The following SPEN variants were observed in gnomAD, a reference collection of about 807,000 sequenced individuals.
SPEN encodes spen family transcriptional repressor, also known as msx2-interacting protein.
In SPEN, 18 loss-of-function variants were observed where a neutral mutation model predicts 269.9. The observed-to-expected ratio is 0.07, with a 90% CI of 0.05 to 0.10. The LOEUF is 0.10. Among genes scored for constraint, SPEN ranks in the 10% least tolerant of loss-of-function variants. The pLI, the probability that SPEN is intolerant of heterozygous loss-of-function variation, is 1.00. For synonymous variants in SPEN, 1,726 were observed against 1,765.7 expected, an observed-to-expected ratio of 0.98 and a Z score of 0.56; for missense variants, 3,822 against 4,631.2, an observed-to-expected ratio of 0.83 and a Z score of 5.07.
At chr1:15,857,998 C>T (rs1163258153) in intron 1 of SPEN, among the ~76,000 whole-genome samples, 2 of 152,050 alleles carry the variant, frequency 1.3e-5, no homozygotes, top group Non-Finnish European at 2.9e-5. Context: ...TGTGGTGGCA[C>T]ATGCCTGTAA....
rs2071227036 is a variant in SPEN, at chr1:15,932,083, C to T, written c.5843C>T (p.Pro1948Leu). The change falls in exon 11 of 15, where the codon CCT becomes CTT. Residue 1948 changes from proline (P) to leucine (L), a missense_variant. Transcript: ENST00000375759. The surrounding 1 kb of genome is among the most constrained non-coding windows in gnomAD (Gnocchi z 4.2). ...LQEAAAVPTT[P>L]RRGRPPKTRR... The stretch of plus-strand genomic sequence containing the variant: ...GAGGCTGCAGCGGTTCCCACCACCC[C>T]TCGGAGGGGAAGGCCTCCAAAGACA... 6.2e-7 allele frequency: 1 copy of T among 1,614,072 alleles called. No individual in the cohort carries two copies. Among genetic ancestry groups the T allele is most frequent in the Non-Finnish European group, 8.5e-7 (1 of 1,180,046 alleles).
chr1:15,922,942 A>G (rs1279023573), intron 10 of SPEN, among the ~76,000 whole-genome samples: 1 of 152,162 alleles, frequency 6.6e-6, no homozygotes, highest in Non-Finnish European at 1.5e-5. Context: ...TCATAAATAC[A>G]AATCATCTTG....
chr1:15,847,781 C>T lies in SPEN; in HGVS notation c.-287C>T, dbSNP rs2070285896. 1 of 207,448 alleles carries T rather than the reference C, an allele frequency of 4.8e-6. No individual in the cohort carries two copies. The highest frequency in any genetic ancestry group is 9.7e-6 in the Non-Finnish European group (1 of 102,656). The allele number at this position is 207,448 out of a possible 1,614,324, so 12.9% of individuals were successfully genotyped here. A position where few individuals can be genotyped will look rare whatever the true frequency, so the allele number is the denominator to read the frequency against. On this transcript the variant is annotated 5_prime_UTR_variant, in exon 1 of 15. Transcript: ENST00000375759. ...CGCCCGTGTCCCGCTCGCCCCTCCTCCCGCTCCCCCGCCCGCCCCTGCCCG... is the reference window on the plus strand; with the variant it reads ...CGCCCGTGTCCCGCTCGCCCCTCCTTCCGCTCCCCCGCCCGCCCCTGCCCG...
At position 15,928,362 on chromosome 1, in the gene SPEN, A is replaced by G. The variant is rs2071187931; in HGVS notation, c.2122A>G (p.Arg708Gly). 2 of 1,614,072 alleles carry G rather than the reference A, an allele frequency of 1.2e-6. No homozygotes were observed. Among genetic ancestry groups the G allele is most frequent in the Non-Finnish European group, 1.7e-6 (2 of 1,180,050 alleles). The change falls in exon 11 of 15, where the codon AGA becomes GGA. Residue 708 changes from arginine to glycine, a missense_variant. Coordinates refer to ENST00000375759, the MANE Select transcript of SPEN (RefSeq NM_015001.3). The surrounding 1 kb of genome is among the most constrained non-coding windows in gnomAD (Gnocchi z 5.7). ...AAGGGAACGAGAAAGAGAACGTGAA[A>G]GATTTGAGTCTGACCGGGACAGAGA... ...RQRERERERE[R>G]FESDRDRDHE...
At chr1:15,853,889 A>G (rs1434673131) in intron 1 of SPEN, among the ~76,000 whole-genome samples, 1 of 150,476 alleles carries the variant, frequency 6.6e-6, no homozygotes, top group Non-Finnish European at 1.5e-5. Flanking sequence ...GGCTGGTCTC[A>G]CTCCTGATCT....
intron 1 of SPEN, among the ~76,000 whole-genome samples, chr1:15,867,062 T>G (rs1481980016): frequency 6.6e-6 from 1 of 152,206 alleles, no homozygotes; most frequent in African/African-American, 2.4e-5. Context: ...TTCACAGAGT[T>G]GCGCAACCAT....
chr1:15,910,181 G>A (rs1442093544), intron 4 of SPEN, among the ~76,000 whole-genome samples: 1 of 146,946 alleles, frequency 6.8e-6, no homozygotes, highest in East Asian at 2.0e-4. Flanking sequence ...AAAAACTTAT[G>A]TATCAGGTTT....
At position 15,882,732 on chromosome 1, in the gene SPEN, C is replaced by T. The variant is rs115213752; in HGVS notation, c.881+6054C>T. The stretch of plus-strand genomic sequence containing the variant: ...CTAACTAGATGGTGTGGACAGCTGA[C>T]GCAAACTGGGCATATACAATGGGAC... On this transcript the variant is annotated intron_variant, in intron 3 of 14. Coordinates refer to ENST00000375759, the MANE Select transcript of SPEN (RefSeq NM_015001.3). 3.5e-3 allele frequency among the ~76,000 whole-genome samples: 540 copies of T among 152,314 alleles called. 4 individuals are homozygous for T. Among genetic ancestry groups the T allele is most frequent in the Non-Finnish European group, 5.8e-3 (397 of 68,026 alleles).
intron 1 of SPEN, among the ~76,000 whole-genome samples, chr1:15,865,715 C>A (rs367616417): frequency 4.9e-4 from 74 of 152,180 alleles, no homozygotes; most frequent in African/African-American, 1.7e-3. Flanking sequence ...TGTGAGCCAC[C>A]GCACCCAGCC....
chr1:15,929,169 G>A lies in SPEN; in HGVS notation c.2929G>A (p.Asp977Asn), dbSNP rs2071197455. ...GCCTGCAGATGGGGTAAGTGCTGTG[G>A]ATCTGGAGAAGCTGGAAGCCAGGAA... ...EQPADGVSAV[D>N]LEKLEARKRR... is the part of the protein sequence containing the mutation. The change falls in exon 11 of 15, where the codon GAT becomes AAT. Residue 977 changes from aspartate (D) to asparagine (N), a missense_variant. Around this residue, in one of 16 missense-constraint regions of SPEN, gnomAD observed 572 missense variants for 582.6 expected, o/e 0.98. Transcript: ENST00000375759. The surrounding 1 kb of genome is among the most constrained non-coding windows in gnomAD (Gnocchi z 5.8). 1 of 1,614,064 alleles carries A rather than the reference G, an allele frequency of 6.2e-7. No individual in the cohort carries two copies. The highest frequency in any genetic ancestry group is 1.1e-5 in the South Asian group (1 of 91,088).
rs1022457753 is a variant in SPEN at position 15,936,219 on chromosome 1, G to A, written c.9979G>A (p.Ala3327Thr). 1.5e-5 allele frequency: 23 copies of A among 1,563,838 alleles called. No individual in the cohort carries two copies. The highest frequency in any genetic ancestry group is 4.0e-5 in the African/African-American group (3 of 74,076). Residue 3327 changes from alanine to threonine, a missense_variant, in exon 11 of 15, where the codon GCC becomes ACC. By Grantham distance (58) the Ala-to-Thr change is moderately conservative. Transcript: ENST00000375759. ...CCAGCTCACACACACTCAGTTTCCC[G>A]CCGCTTCCTCTGTTGGCCTGCCTTC... is the stretch of plus-strand genomic sequence containing the variant. ...PAQLTHTQFP[A>T]ASSVGLPSRT...
rs1478955741 is a variant in SPEN, at chr1:15,931,754, G to C, written c.5514G>C (p.Lys1838Asn). ...CAGCTGCAGTGAGTATCGTGGAGAA[G>C]CCCGTCACAAGGAAGAGTGAGAGGA... ...VQAAAVSIVE[K>N]PVTRKSERID... Residue 1838 changes from lysine to asparagine, a missense_variant, in exon 11 of 15, where the codon AAG becomes AAC. Around this residue, in one of 16 missense-constraint regions of SPEN, gnomAD observed 533 missense variants for 618.8 expected, o/e 0.86. Transcript: ENST00000375759. This position sits in a 1 kb window ranked among gnomAD's most constrained non-coding sequence, Gnocchi z 4.8. 3.7e-6 allele frequency: 6 copies of C among 1,614,028 alleles called. No homozygotes were observed. The highest frequency in any genetic ancestry group is 5.1e-6 in the Non-Finnish European group (6 of 1,179,988).
chr1:15,916,204 C>A lies in SPEN; in HGVS notation c.1320C>A (p.Leu440=). The part of the protein sequence containing the change: ...DEFHPKATRT[L]FIGNLEKTTT... ...TTCACCCCAAAGCAACAAGAACTCT[C>A]TTTATTGGCAACCTTGAAAAAACCA... The change falls in exon 6 of 15, where the codon CTC becomes CTA. Residue 440 remains leucine, a synonymous_variant. Coordinates refer to ENST00000375759, the MANE Select transcript of SPEN (RefSeq NM_015001.3). 6.2e-7 allele frequency: 1 copy of A among 1,614,058 alleles called. No individual in the cohort carries two copies. Among genetic ancestry groups the A allele is most frequent in the East Asian group, 2.2e-5 (1 of 44,858 alleles).
chr1:15,880,453 C>CTTTTTT (rs371820417), intron 3 of SPEN, among the ~76,000 whole-genome samples: 4 of 110,964 alleles, frequency 3.6e-5, no homozygotes, highest in African/African-American at 3.7e-5. Context: ...GTAATTATAG[C>CTTTTTT]TTTTTTTTTT....
Position 15,872,978 on chromosome 1 carries a change from C to A in SPEN, c.246C>A (p.Gly82=). Residue 82 remains glycine, a synonymous_variant, in exon 2 of 15, where the codon GGC becomes GGA. Transcript: ENST00000375759. ...TACGCACGGATTATAATGAACCAGG[C>A]ACCATCCCGAGTGCTGCTCGGGGAT... ...RDLRTDYNEP[G]TIPSAARGLD... The A allele has an allele frequency of 3.1e-6, 5 of 1,614,112 alleles. No individual in the cohort carries two copies. Among genetic ancestry groups the A allele is most frequent in the Non-Finnish European group, 4.2e-6 (5 of 1,180,020 alleles).
intron 5 of SPEN, among the ~76,000 whole-genome samples, chr1:15,914,191 A>T (rs2071035914): frequency 6.6e-6 from 1 of 152,186 alleles, no homozygotes; most frequent in Non-Finnish European, 1.5e-5. Context: ...AAGGGGTAAC[A>T]TTAGTTGAGC....
chr1:15,922,235 T>G lies in SPEN; in HGVS notation c.1750-14T>G, dbSNP rs757652873. On this transcript the variant is annotated splice_polypyrimidine_tract_variant and intron_variant, in intron 9 of 14. Transcript: ENST00000375759. The stretch of plus-strand genomic sequence containing the variant: ...TTTGAAACTTGCATCAAACACCTCT[T>G]TTTTTTTTTAAAGGTGGATTTTGCA... 5 of 1,556,202 alleles carry G rather than the reference T, an allele frequency of 3.2e-6. No homozygotes were observed. Among genetic ancestry groups the G allele is most frequent in the Non-Finnish European group, 4.4e-6 (5 of 1,149,096 alleles).
Position 15,935,173 on chromosome 1 carries a change from T to C in SPEN, c.8933T>C (p.Leu2978Pro), listed in dbSNP as rs2071261981. The C allele has an allele frequency of 6.2e-7, 1 of 1,614,006 alleles. No homozygotes were observed. The highest frequency in any genetic ancestry group is 8.5e-7 in the Non-Finnish European group (1 of 1,179,948). The change falls in exon 11 of 15, where the codon CTG (leucine) becomes CCG (proline). Residue 2978 changes from leucine to proline, a missense_variant. By Grantham distance (98) the Leu-to-Pro change is moderately conservative. This residue lies in a region of SPEN where 94 missense variants were observed against 90.4 expected (regional missense o/e 1.04). Transcript: ENST00000375759. The surrounding 1 kb of genome is among the most constrained non-coding windows in gnomAD (Gnocchi z 7.7). ...ACCAAGGTCCTTCAGCCGGCCAACC[T>C]GGGGTCCACGCTCACGCCCCACCAC... ...IETKVLQPAN[L>P]GSTLTPHHPP...
intron 1 of SPEN, among the ~76,000 whole-genome samples, chr1:15,853,231 C>T (rs2070353629): frequency 6.6e-6 from 1 of 151,788 alleles, no homozygotes; most frequent in Non-Finnish European, 1.5e-5. Context: ...ACTCTGTCAC[C>T]CAGGCTAGAG....
Sources: gnomAD v4.1 joint callset for allele counts (sites outside exome capture counted in the v4.1 genomes callset) on GRCh38, gnomAD v4.1.1 for gene constraint, gnomAD v4.1.1 regional missense constraint, Gnocchi (gnomAD v3.1) non-coding constraint, MANE v1.5 for transcripts, NCBI Gene and HGNC (gene_info 2026-07-23, HGNC 2026-07-21) for gene names.